POP1: variants seen among roughly 807,000 people sequenced by gnomAD.
POP1 encodes the protein ribonucleases P/MRP protein subunit POP1.
A neutral mutation model predicts 102.2 loss-of-function variants in POP1; 75 were observed. The observed-to-expected ratio is 0.73, with a 90% confidence interval of 0.61 to 0.89. The LOEUF (loss-of-function observed/expected upper bound fraction) is 0.89. Ranked by LOEUF, POP1 falls within the 40% of genes least tolerant of loss-of-function variation. The pLI, the probability that POP1 is intolerant of heterozygous loss-of-function variation, is 0.00. For synonymous variants in POP1, 436 were observed against 464.1 expected, an observed-to-expected ratio of 0.94 and a Z score of 0.78; for missense variants, 1,116 against 1,267.4, an observed-to-expected ratio of 0.88 and a Z score of 1.81.
chr8:98,134,528 C>G lies in POP1; in HGVS notation c.880C>G (p.Leu294Val). ...LSGKRQGSLV[L>V]YRVNKYPREM... ...TGGAAAGCGCCAAGGGAGCCTTGTG[C>G]TTTATCGGGTGAATAAATATCCCAG... Residue 294 changes from leucine to valine, a missense_variant, in exon 7 of 16, where the codon CTT becomes GTT. By Grantham distance (32) the Leu-to-Val change is conservative. Transcript: ENST00000401707. 6.2e-7 allele frequency: 1 copy of G among 1,614,208 alleles called. No homozygotes were observed. The highest frequency in any genetic ancestry group is 8.5e-7 in the Non-Finnish European group (1 of 1,180,036).
intron 5 of POP1, among the ~76,000 whole-genome samples, chr8:98,132,071 A>G (rs1387042002): frequency 6.6e-6 from 1 of 152,240 alleles, no homozygotes; most frequent in Admixed American, 6.5e-5. Context: ...TGCTGAAGTT[A>G]TCAGATATTT....
intron 11 of POP1, among the ~76,000 whole-genome samples, chr8:98,141,368 G>A (rs913163531): frequency 3.3e-5 from 5 of 152,062 alleles, no homozygotes; most frequent in Non-Finnish European, 7.4e-5. Flanking sequence ...TGAGAAAGTT[G>A]TTTGGCTGGG....
At chr8:98,134,396 G>A in intron 6 of POP1, 76 bp from the exon 7 acceptor site, 3 of 1,444,968 alleles carry the variant, frequency 2.1e-6, no homozygotes, top group Non-Finnish European at 2.9e-6. Context: ...GACAGTAAAT[G>A]ACAGTGTGGT....
At chr8:98,134,684 G>A (rs754139493) in intron 7 of POP1, 25 bp downstream of exon 7, 28 of 1,580,900 alleles carry the variant, frequency 1.8e-5, no homozygotes, top group South Asian at 1.7e-4. Flanking sequence ...GTTATCTCCC[G>A]TCATTCTGAA....
In POP1 at chr8:98,150,505, C is replaced by G; in HGVS notation, c.1923C>G (p.Val641=). 1 of 1,613,840 alleles carries G rather than the reference C, an allele frequency of 6.2e-7. No individual in the cohort carries two copies. The highest frequency in any genetic ancestry group is 2.2e-5 in the East Asian group (1 of 44,892). The part of the protein sequence containing the change: ...WIPFIYRGVR[V]GGLKESAVHS... Reference sequence around the variant, plus strand: ...TTTAGATTTATCGAGGTGTGAGAGTCGGAGGGTTGAAAGAGTCTGCAGTGC... The same window carrying G: ...TTTAGATTTATCGAGGTGTGAGAGTGGGAGGGTTGAAAGAGTCTGCAGTGC... The change falls in exon 14 of 16, where the codon GTC becomes GTG. Residue 641 remains valine (V), a synonymous_variant. Coordinates refer to ENST00000401707, the MANE Select transcript of POP1 (RefSeq NM_001145860.2).
intron 4 of POP1, among the ~76,000 whole-genome samples, chr8:98,129,132 A>T (rs930429921): frequency 6.6e-6 from 1 of 151,982 alleles, no homozygotes; most frequent in Non-Finnish European, 1.5e-5. Context: ...TTAAAAAAAA[A>T]CTCTGACCCT....
intron 12 of POP1, among the ~76,000 whole-genome samples, chr8:98,148,241 A>C (rs927194643): frequency 3.4e-4 from 52 of 152,324 alleles, no homozygotes; most frequent in Non-Finnish European, 1.0e-4. Context: ...TATGGCCTGG[A>C]GGCAGTCTCT....
intron 1 of POP1, among the ~76,000 whole-genome samples, chr8:98,118,043 A>T (rs1443944579): frequency 1.4e-5 from 2 of 141,618 alleles, no homozygotes; most frequent in Non-Finnish European, 3.2e-5. Flanking sequence ...CAGTTAAAAA[A>T]AATAATAATA....
At position 98,134,042 on chromosome 8, in the gene POP1, C is replaced by G; in HGVS notation, c.823+6C>G. 1 of 1,592,518 alleles carries G rather than the reference C, an allele frequency of 6.3e-7. No homozygotes were observed. The highest frequency in any genetic ancestry group is 1.1e-5 in the South Asian group (1 of 90,634). On this transcript the variant is annotated splice_donor_region_variant and intron_variant, in intron 6 of 15. Coordinates refer to ENST00000401707, the MANE Select transcript of POP1 (RefSeq NM_001145860.2). ...AATGTGTAACATAGACACAGGTAAA[C>G]TTGTTTTAAAGCTGAGTTCTATTTT...
intron 2 of POP1, among the ~76,000 whole-genome samples, chr8:98,126,285 T>A (rs930570057): frequency 2.6e-5 from 4 of 152,090 alleles, no homozygotes; most frequent in Admixed American, 2.6e-4. Flanking sequence ...TGTAACAAAA[T>A]ACAGGTTGAG....
At chr8:98,135,803 A>T (rs1220730825) in intron 7 of POP1, among the ~76,000 whole-genome samples, 2 of 151,230 alleles carry the variant, frequency 1.3e-5, no homozygotes, top group Non-Finnish European at 2.9e-5. Context: ...GGCTCAAATG[A>T]TCCTCCTACC....
In POP1 at chr8:98,130,213, G is replaced by T. The variant is rs148502433; in HGVS notation, c.722G>T (p.Arg241Leu). ...GCCTGCTATCGAGCCATGACGAACCGGTGCCTCCTGCAGGTGAGCTTTTCC... is the reference window on the plus strand; with the variant it reads ...GCCTGCTATCGAGCCATGACGAACCTGTGCCTCCTGCAGGTGAGCTTTTCC... ...HRACYRAMTN[R>L]CLLQDLSYYC... The change falls in exon 5 of 16, where the codon CGG becomes CTG. Residue 241 changes from arginine to leucine, a missense_variant. Physicochemically the swap from Arg to Leu is moderately radical, Grantham distance 102. Transcript: ENST00000401707. The T allele has an allele frequency of 1.2e-6, 2 of 1,614,100 alleles. No homozygotes were observed. Among genetic ancestry groups the T allele is most frequent in the Non-Finnish European group, 1.7e-6 (2 of 1,180,016 alleles).
intron 7 of POP1, among the ~76,000 whole-genome samples, chr8:98,134,940 C>T (rs1303548635): frequency 6.6e-6 from 1 of 152,092 alleles, no homozygotes; most frequent in Non-Finnish European, 1.5e-5. Flanking sequence ...CATCCATCAC[C>T]ACCCATGCTG....
intron 2 of POP1, 33 bp from the exon 3 acceptor site, chr8:98,127,562 A>T (rs1304205726): frequency 6.2e-7 from 1 of 1,613,090 alleles, no homozygotes; most frequent in Admixed American, 1.7e-5. Flanking sequence ...ATCTCTGATA[A>T]AGGTGACATG....
chr8:98,139,287 C>T (rs1816639108), intron 9 of POP1, among the ~76,000 whole-genome samples: 1 of 152,116 alleles, frequency 6.6e-6, no homozygotes, highest in African/African-American at 2.4e-5. Context: ...TTCCTAGTTC[C>T]ATGTGGAAAA....
At chr8:98,134,751 G>T (rs1586236145) in intron 7 of POP1, 92 bp downstream of exon 7, 7 of 1,348,218 alleles carry the variant, frequency 5.2e-6, no homozygotes, top group East Asian at 4.6e-5. Context: ...ATAGTGTAAA[G>T]GTTTGTCTGA....
Position 98,157,853 on chromosome 8 carries a change from T to A in POP1, c.2657T>A (p.Leu886His), listed in dbSNP as rs1809696502. The change falls in exon 16 of 16, where the codon CTC becomes CAC. Residue 886 changes from leucine (L) to histidine (H), a missense_variant. Coordinates refer to ENST00000401707, the MANE Select transcript of POP1 (RefSeq NM_001145860.2). ...CVPAKEDFLQ[L>H]HEDWHYCGPQ... ...CCAGCCAAGGAGGACTTCCTCCAGCTCCATGAGGACTGGCATTACTGTGGG... is the reference window on the plus strand; with the variant it reads ...CCAGCCAAGGAGGACTTCCTCCAGCACCATGAGGACTGGCATTACTGTGGG... 6.2e-7 allele frequency: 1 copy of A among 1,614,096 alleles called. No individual in the cohort carries two copies. Among genetic ancestry groups the A allele is most frequent in the Non-Finnish European group, 8.5e-7 (1 of 1,179,966 alleles).
chr8:98,155,874 C>A, intron 14 of POP1, 176 bp from the exon 15 acceptor site: 1 of 730,756 alleles, frequency 1.4e-6, no homozygotes, highest in Non-Finnish European at 2.2e-6. Flanking sequence ...TGAGCCCAGC[C>A]TATTATTCTT....
intron 14 of POP1, among the ~76,000 whole-genome samples, chr8:98,151,075 A>G (rs374616964): frequency 6.6e-6 from 1 of 152,014 alleles, no homozygotes; most frequent in East Asian, 1.9e-4. Context: ...ACCCAGAGAG[A>G]TAAGTACTGT....
Sources: gnomAD v4.1 joint callset for allele counts (sites outside exome capture counted in the v4.1 genomes callset) on GRCh38, gnomAD v4.1.1 for gene constraint, MANE v1.5 for transcripts, NCBI Gene and HGNC (gene_info 2026-07-23, HGNC 2026-07-21) for gene names.